Variants in SCFD2 observed in about 807,000 individuals in gnomAD.
The protein encoded by SCFD2 is sec1 family domain containing 2, also known as sec1 family domain-containing protein 2.
A neutral mutation model predicts 58.9 loss-of-function variants in SCFD2; 54 were observed. The observed-to-expected ratio is 0.92, with a 90% confidence interval of 0.74 to 1.15. The LOEUF (loss-of-function observed/expected upper bound fraction) is 1.15. Ranked by LOEUF, SCFD2 falls within the 50% of genes most tolerant of loss-of-function variation. The pLI is 0.00. For synonymous variants in SCFD2, 321 were observed against 335.9 expected (o/e 0.96, Z 0.49); for missense variants, 805 against 836.6 (o/e 0.96, Z 0.47).
intron 5 of SCFD2, among the ~76,000 whole-genome samples, chr4:52,983,033 G>A (rs1721411214): frequency 6.6e-6 from 1 of 152,008 alleles, no homozygotes; most frequent in South Asian, 2.1e-4. Context: ...TGAACTACTT[G>A]GTCCCTTGGT....
At chr4:52,975,279 T>A (rs1037234852) in intron 5 of SCFD2, among the ~76,000 whole-genome samples, 1 of 152,074 alleles carries the variant, frequency 6.6e-6, no homozygotes, top group Non-Finnish European at 1.5e-5. Flanking sequence ...CATCTGACCA[T>A]GGGCTAATAT....
At chr4:53,327,479 C>A (rs543550103) in intron 2 of SCFD2, among the ~76,000 whole-genome samples, 3 of 152,212 alleles carry the variant, frequency 2.0e-5, no homozygotes, top group South Asian at 4.2e-4. Context: ...AGCAGGTGAG[C>A]AGACTGAGAA....
At chr4:52,953,166 C>A (rs556558553) in intron 5 of SCFD2, among the ~76,000 whole-genome samples, 4 of 152,314 alleles carry the variant, frequency 2.6e-5, no homozygotes, top group East Asian at 3.9e-4. Flanking sequence ...TTCCTCAGTC[C>A]TCACAGTGAG....
intron 5 of SCFD2, among the ~76,000 whole-genome samples, chr4:52,992,176 G>A (rs1029204487): frequency 1.1e-4 from 17 of 152,160 alleles, no homozygotes; most frequent in Admixed American, 3.3e-4. Flanking sequence ...GCAGGAGCGC[G>A]CCACCACGCC....
chr4:52,963,869 C>T (rs1034652087), intron 5 of SCFD2, among the ~76,000 whole-genome samples: 10 of 152,182 alleles, frequency 6.6e-5, no homozygotes, highest in South Asian at 4.2e-4. Context: ...GCAATGGCTG[C>T]GCAACATTAA....
intron 2 of SCFD2, among the ~76,000 whole-genome samples, chr4:53,346,722 A>C (rs1352317461): frequency 6.6e-6 from 1 of 152,188 alleles, no homozygotes; most frequent in Non-Finnish European, 1.5e-5. Flanking sequence ...AAACAATTAT[A>C]GTATAGTGTT....
At chr4:53,110,673 A>G (rs1725143418) in intron 5 of SCFD2, among the ~76,000 whole-genome samples, 1 of 152,234 alleles carries the variant, frequency 6.6e-6, no homozygotes, top group African/African-American at 2.4e-5. Flanking sequence ...CAATCATTAA[A>G]AAGTCAGGAA....
At chr4:53,311,811 T>C (rs1732701249) in intron 3 of SCFD2, among the ~76,000 whole-genome samples, 1 of 152,004 alleles carries the variant, frequency 6.6e-6, no homozygotes, top group South Asian at 2.1e-4. Flanking sequence ...AATTTTTGTA[T>C]TTTTAGTAGA....
At chr4:53,106,264 A>C (rs1040216821) in intron 5 of SCFD2, among the ~76,000 whole-genome samples, 1 of 152,246 alleles carries the variant, frequency 6.6e-6, no homozygotes, top group African/African-American at 2.4e-5. Flanking sequence ...AAGATGAGGA[A>C]AAACCAGCAC....
In SCFD2 at chr4:52,965,976, A is replaced by C. The variant is rs75944537; in HGVS notation, c.1562-45106T>G. On this transcript the variant is annotated intron_variant, in intron 5 of 8. Transcript: ENST00000401642. ...AAATACAGACTTCATGGGTGCTAAA[A>C]ATGTGCTAAACTTGGATCTGATTGA... 5.2e-3 allele frequency among the ~76,000 whole-genome samples: 791 copies of C among 152,346 alleles called. 9 individuals carry two copies. The highest frequency in any genetic ancestry group is 0.047 in the South Asian group (225 of 4,828).
intron 2 of SCFD2, among the ~76,000 whole-genome samples, chr4:53,338,452 C>A (rs73151274): frequency 0.013 from 1,925 of 151,562 alleles, 37 homozygotes; most frequent in African/African-American, 0.044. Flanking sequence ...AAACTAAAGG[C>A]CAAGGAAAAA....
At chr4:53,129,625 T>C (rs1406100149) in intron 5 of SCFD2, among the ~76,000 whole-genome samples, 1 of 152,204 alleles carries the variant, frequency 6.6e-6, no homozygotes, top group African/African-American at 2.4e-5. Flanking sequence ...TTTCCTCCCA[T>C]TCAAGATCTT....
At chr4:53,080,728 G>A (rs1724121778) in intron 5 of SCFD2, among the ~76,000 whole-genome samples, 1 of 152,236 alleles carries the variant, frequency 6.6e-6, no homozygotes, top group Non-Finnish European at 1.5e-5. Context: ...ATGCAATTAG[G>A]AGATATGTCA....
At chr4:52,989,737 C>G (rs1397136212) in intron 5 of SCFD2, among the ~76,000 whole-genome samples, 1 of 152,190 alleles carries the variant, frequency 6.6e-6, no homozygotes, top group Non-Finnish European at 1.5e-5. Context: ...CCCAATCTGC[C>G]TGATGCATTT....
chr4:53,065,976 TAAG>T (rs1723652469), intron 5 of SCFD2, among the ~76,000 whole-genome samples: 1 of 152,212 alleles, frequency 6.6e-6, no homozygotes, highest in African/African-American at 2.4e-5. Context: ...ACAGCTCTTA[TAAG>T]AATAAAACTT....
At chr4:53,239,232 C>G (rs1301528592) in intron 4 of SCFD2, among the ~76,000 whole-genome samples, 2 of 150,736 alleles carry the variant, frequency 1.3e-5, no homozygotes, top group Non-Finnish European at 3.0e-5. Context: ...AGTCTGCAAT[C>G]GCAGGCACTC....
intron 3 of SCFD2, among the ~76,000 whole-genome samples, chr4:53,274,807 C>T (rs1731279288): frequency 6.6e-6 from 1 of 152,200 alleles, no homozygotes; most frequent in African/African-American, 2.4e-5. Context: ...TGCCATTCCT[C>T]CATGCTATGC....
At chr4:53,183,198 C>T (rs1266083934) in intron 4 of SCFD2, among the ~76,000 whole-genome samples, 1 of 152,134 alleles carries the variant, frequency 6.6e-6, no homozygotes, top group Non-Finnish European at 1.5e-5. Context: ...AAGACACACG[C>T]ACACGTATGT....
At chr4:53,243,285 C>G (rs1470608256) in intron 4 of SCFD2, among the ~76,000 whole-genome samples, 3 of 152,166 alleles carry the variant, frequency 2.0e-5, no homozygotes, top group Non-Finnish European at 2.9e-5. Flanking sequence ...GACCCCTCAG[C>G]AGAAACCCTA....
Sources: gnomAD v4.1 joint callset for allele counts (sites outside exome capture counted in the v4.1 genomes callset) on GRCh38, gnomAD v4.1.1 for gene constraint, MANE v1.5 for transcripts, NCBI Gene and HGNC (gene_info 2026-07-23, HGNC 2026-07-21) for gene names.